MRO: variants seen among roughly 807,000 people sequenced by gnomAD.
MRO encodes maestro, also known as protein maestro.
Under a neutral mutation model 31.0 loss-of-function variants are expected in MRO, and 28 were observed. The observed-to-expected ratio is 0.90, with a 90% confidence interval of 0.67 to 1.24. The LOEUF (loss-of-function observed/expected upper bound fraction) is 1.24, where lower values mean the gene tolerates loss of function less well. Among genes scored for constraint, MRO ranks in the 50% most tolerant of loss-of-function variants. The pLI is 0.00. For missense variants in MRO, 332 were observed against 289.2 expected (o/e 1.15, Z -1.07); for synonymous variants, 108 against 108.4 (o/e 1.00, Z 0.02).
Position 50,819,695 on chromosome 18 carries a change from C to T in MRO, c.-119G>A. On this transcript the variant is annotated 5_prime_UTR_variant, in exon 2 of 8. Transcript: ENST00000398439. ...ATGACTCGGCTAAATTTTCCCAGCCCTGAATTCCTAACATACAAGAAGGGA... is the reference window on the plus strand; with the variant it reads ...ATGACTCGGCTAAATTTTCCCAGCCTTGAATTCCTAACATACAAGAAGGGA... 1.3e-6 allele frequency: 2 copies of T among 1,550,632 alleles called. No individual in the cohort carries two copies. Among genetic ancestry groups the T allele is most frequent in the Admixed American group, 3.9e-5 (2 of 50,946 alleles).
intron 3 of MRO, among the ~76,000 whole-genome samples, chr18:50,807,631 A>G (rs1914077046): frequency 6.6e-6 from 1 of 152,240 alleles, no homozygotes; most frequent in South Asian, 2.1e-4. Flanking sequence ...ATCTACAAAC[A>G]TTTCAGCACT....
intron 4 of MRO, 53 bp downstream of exon 4, chr18:50,806,651 A>G: frequency 6.2e-7 from 1 of 1,606,144 alleles, no homozygotes. Flanking sequence ...TCTCCACACC[A>G]AGGTGGTTGG....
At chr18:50,815,514 G>A (rs939754329) in intron 2 of MRO, 14 of 308,796 alleles carry the variant, frequency 4.5e-5, no homozygotes, top group Non-Finnish European at 7.7e-5. Context: ...GGAAACCAAG[G>A]TAGTGGATAT....
At chr18:50,809,163 A>C (rs1914234948) in intron 3 of MRO, 139 bp downstream of exon 3, 1 of 333,144 alleles carries the variant, frequency 3.0e-6, no homozygotes, top group Non-Finnish European at 5.5e-6. Context: ...AAAAAAAAAA[A>C]AAAAAAAAAA....
In MRO at chr18:50,799,355, G is replaced by A. The variant is rs141420496; in HGVS notation, c.729C>T (p.Tyr243=). 19 of 1,613,966 alleles carry A rather than the reference G, an allele frequency of 1.2e-5. No homozygotes were observed. Among genetic ancestry groups the A allele is most frequent in the African/African-American group, 5.3e-5 (4 of 75,040 alleles). Reference sequence around the variant, plus strand: ...TCTGCGCTTACAGAATTTTATTTGCGTAGAAGAACTGCAGGATCTCTGGAT... The same window carrying A: ...TCTGCGCTTACAGAATTTTATTTGCATAGAAGAACTGCAGGATCTCTGGAT... The part of the protein sequence containing the change: ...HYHPEILQFF[Y]ANKIL Residue 243 remains tyrosine, a synonymous_variant, in exon 8 of 8, where the codon TAC becomes TAT. Transcript: ENST00000398439.
rs146653649 is a variant in MRO, at chr18:50,799,354, C to A, written c.730G>T (p.Ala244Ser). ...CTCTGCGCTTACAGAATTTTATTTG[C>A]GTAGAAGAACTGCAGGATCTCTGGA... ...YHPEILQFFY[A>S]NKIL is the part of the protein sequence containing the mutation. The change falls in exon 8 of 8, where the codon GCA (alanine) becomes TCA (serine). Residue 244 changes from alanine to serine, a missense_variant. Ala to Ser is a moderately conservative substitution (Grantham distance 99, BLOSUM62 1). Transcript: ENST00000398439. 3.1e-5 allele frequency: 50 copies of A among 1,613,766 alleles called. No individual in the cohort carries two copies. Among genetic ancestry groups the A allele is most frequent in the African/African-American group, 1.3e-5 (1 of 74,886 alleles).
rs763223998 is a variant in MRO, at chr18:50,806,854, G to C, written c.100-4C>G. 71 of 1,613,830 alleles carry C rather than the reference G, an allele frequency of 4.4e-5. No individual in the cohort carries two copies. The highest frequency in any genetic ancestry group is 1.3e-4 in the Admixed American group (8 of 59,962). ...GGAACCTCAGTTTCCAAGAGACCTG[G>C]GTGATGGGTCAAAAATGTATTAATT... On this transcript the variant is annotated splice_polypyrimidine_tract_variant and splice_region_variant and intron_variant, in intron 3 of 7. Transcript: ENST00000398439.
chr18:50,805,815 C>T (rs1913863338), intron 4 of MRO, among the ~76,000 whole-genome samples: 1 of 152,202 alleles, frequency 6.6e-6, no homozygotes, highest in Non-Finnish European at 1.5e-5. Context: ...AGCTCTGTCT[C>T]TCACAGCTGA....
chr18:50,823,604 A>G (rs1915391288), upstream of MRO: 1 of 152,154 alleles, frequency 6.6e-6, no homozygotes, highest in African/African-American at 2.4e-5. Flanking sequence ...TGACCCAGAA[A>G]ACTCCACAAA....
rs928237989 is a variant in MRO at position 50,817,997 on chromosome 18, C to A, written c.-5+1584G>T. 8.7e-5 allele frequency among the ~76,000 whole-genome samples: 11 copies of A among 126,398 alleles called. 1 individual carries two copies. The South Asian group carries it at 1.0e-3, about 12-fold the overall frequency. 82.9% of individuals were successfully genotyped at this position (126,398 alleles called of 152,430 possible). On this transcript the variant is annotated intron_variant, in intron 2 of 7. Coordinates refer to ENST00000398439, the MANE Select transcript of MRO (RefSeq NM_031939.6). Reference sequence around the variant, plus strand: ...TGCAGCTTCTTAAAGAACTCCCACCCCCCGCCCCATGCCCTCCTTCCTGCC... The same window carrying A: ...TGCAGCTTCTTAAAGAACTCCCACCACCCGCCCCATGCCCTCCTTCCTGCC...
chr18:50,802,504 G>A (rs1913439441), intron 5 of MRO, among the ~76,000 whole-genome samples: 2 of 152,104 alleles, frequency 1.3e-5, no homozygotes, highest in Non-Finnish European at 2.9e-5. Context: ...ATGGTGCACG[G>A]GTTTTTATAT....
At chr18:50,800,672 G>A (rs1599005021) in intron 6 of MRO, among the ~76,000 whole-genome samples, 1 of 152,114 alleles carries the variant, frequency 6.6e-6, no homozygotes, top group East Asian at 1.9e-4. Context: ...ATCACCTGAG[G>A]TCAGGAGTTC....
chr18:50,804,568 G>A (rs1913721042), intron 5 of MRO, among the ~76,000 whole-genome samples: 1 of 151,740 alleles, frequency 6.6e-6, no homozygotes, highest in East Asian at 2.0e-4. Flanking sequence ...GGAGGTTGCA[G>A]TGAGCCGAGA....
upstream of MRO, among the ~76,000 whole-genome samples, chr18:50,821,641 A>G (rs1915306231): frequency 6.6e-6 from 1 of 152,182 alleles, no homozygotes; most frequent in African/African-American, 2.4e-5. Flanking sequence ...CCTCCTCCCC[A>G]TGAACAGAAA....
intron 5 of MRO, among the ~76,000 whole-genome samples, chr18:50,802,098 A>G (rs578044516): frequency 1.3e-5 from 2 of 152,230 alleles, no homozygotes; most frequent in Admixed American, 6.5e-5. Context: ...ACATCAATAC[A>G]TAAAAGAGTT....
chr18:50,798,325 C>T lies in MRO; in HGVS notation c.*1012G>A, dbSNP rs1041774479. ...AATTAATAAAAATGTATACTTAGTA[C>T]ATATAAAATCAAAAGTTAACTGGGC... is the stretch of plus-strand genomic sequence containing the variant. On this transcript the variant is annotated 3_prime_UTR_variant, in exon 8 of 8. Coordinates refer to ENST00000398439, the MANE Select transcript of MRO (RefSeq NM_031939.6). 6.6e-6 allele frequency: 1 copy of T among 152,208 alleles called. No individual in the cohort carries two copies. The highest frequency in any genetic ancestry group is 3.4e-3 in the Middle Eastern group (1 of 294). The allele number at this position is 152,208 out of a possible 1,614,324, so 9.4% of individuals were successfully genotyped here. A position where few individuals can be genotyped will look rare whatever the true frequency, so the allele number is the denominator to read the frequency against.
chr18:50,804,982 G>A (rs1033800854), intron 5 of MRO, among the ~76,000 whole-genome samples, 172 bp downstream of exon 5: 7 of 151,934 alleles, frequency 4.6e-5, no homozygotes, highest in Non-Finnish European at 8.8e-5. Flanking sequence ...AGTAAAGATA[G>A]GGTTTCACCA....
In MRO at chr18:50,806,692, C is replaced by A. The variant is rs766995194; in HGVS notation, c.246+12G>T. 7 of 1,613,924 alleles carry A rather than the reference C, an allele frequency of 4.3e-6. No individual in the cohort carries two copies. The Admixed American group carries it at 8.3e-5, about 19-fold the overall frequency. ...CTTGGGGAGCTGGCTGAGCCCCACT[C>A]TCCTTCCCTACCTTGTCAGGGGCTT... On this transcript the variant is annotated intron_variant, in intron 4 of 7. Coordinates refer to ENST00000398439, the MANE Select transcript of MRO (RefSeq NM_031939.6).
At chr18:50,802,663 T>TA (rs932375090) in intron 5 of MRO, among the ~76,000 whole-genome samples, 2 of 152,278 alleles carry the variant, frequency 1.3e-5, no homozygotes. Context: ...GAAGTATCTT[T>TA]AAAAAATTTA....
Sources: gnomAD v4.1 joint callset for allele counts (sites outside exome capture counted in the v4.1 genomes callset) on GRCh38, gnomAD v4.1.1 for gene constraint, MANE v1.5 for transcripts, NCBI Gene and HGNC (gene_info 2026-07-23, HGNC 2026-07-21) for gene names.